Variants in ERN1 observed in about 807,000 individuals in gnomAD.
The protein encoded by ERN1 is serine/threonine-protein kinase/endoribonuclease IRE1.
Under a neutral mutation model 113.1 loss-of-function variants are expected in ERN1, and 39 were observed. The ratio of observed to expected loss-of-function variants is 0.34; its 90% CI spans 0.27 to 0.45. ERN1 has a LOEUF of 0.45. ERN1 is among the 20% of genes least tolerant of loss of function. The pLI is 1.00. For synonymous variants in ERN1, 507 were observed against 515.9 expected (o/e 0.98, Z 0.23); for missense variants, 976 against 1,274.8 (o/e 0.77, Z 3.57).
intron 1 of ERN1, among the ~76,000 whole-genome samples, chr17:64,115,734 A>G (rs1914787312): frequency 6.6e-6 from 1 of 152,228 alleles, no homozygotes; most frequent in Non-Finnish European, 1.5e-5. Context: ...TGAAGCTGAC[A>G]GAAGATGAGG....
At chr17:64,106,181 A>T (rs1417085427) in intron 1 of ERN1, among the ~76,000 whole-genome samples, 1 of 152,200 alleles carries the variant, frequency 6.6e-6, no homozygotes, top group Non-Finnish European at 1.5e-5. Flanking sequence ...ATTGGCGTTA[A>T]GGGTTCCTTT....
intron 1 of ERN1, among the ~76,000 whole-genome samples, chr17:64,114,115 A>T (rs1192541057): frequency 6.6e-6 from 1 of 151,860 alleles, no homozygotes; most frequent in Non-Finnish European, 1.5e-5. Context: ...TTGAGTCAAC[A>T]TAAGTAAAGC....
At chr17:64,087,297 C>T (rs1004455466) in intron 2 of ERN1, among the ~76,000 whole-genome samples, 2 of 152,196 alleles carry the variant, frequency 1.3e-5, no homozygotes, top group Non-Finnish European at 2.9e-5. Flanking sequence ...GTCAAGTTCC[C>T]GTGATCAAAA....
Position 64,066,659 on chromosome 17 carries a change from C to G in ERN1, c.842+12G>C. The G allele has an allele frequency of 1.2e-6, 2 of 1,612,524 alleles. No individual in the cohort carries two copies. The highest frequency in any genetic ancestry group is 1.7e-6 in the Non-Finnish European group (2 of 1,178,602). On this transcript the variant is annotated intron_variant, in intron 8 of 21. Coordinates refer to ENST00000433197, the MANE Select transcript of ERN1 (RefSeq NM_001433.5). ...CACGGCCGCCCTCTCCTTCCCCGAGCTCCCAACTCACGTCAGCTTGCTCTT... is the reference window on the plus strand; with the variant it reads ...CACGGCCGCCCTCTCCTTCCCCGAGGTCCCAACTCACGTCAGCTTGCTCTT...
chr17:64,058,091 G>A (rs750961273), intron 11 of ERN1, 98 bp from the exon 12 acceptor site: 17 of 914,658 alleles, frequency 1.9e-5, no homozygotes, highest in Non-Finnish European at 2.4e-5. Context: ...ACAAGGATAT[G>A]ACTGTACTGC....
Position 64,044,971 on chromosome 17 carries a change from C to G in ERN1, c.2654-44G>C. On this transcript the variant is annotated intron_variant, in intron 20 of 21. Transcript: ENST00000433197. This position sits in a 1 kb window ranked among gnomAD's most constrained non-coding sequence, Gnocchi z 4.1. ...AAGCAATGGGTAATCAAATTTAAAA[C>G]TAATACATTTTAAAAGAAAACAATT... 7.4e-7 allele frequency: 1 copy of G among 1,354,764 alleles called. No homozygotes were observed. Among genetic ancestry groups the G allele is most frequent in the Non-Finnish European group, 1.0e-6 (1 of 965,458 alleles). The allele number at this position is 1,354,764 out of a possible 1,614,324, so 83.9% of individuals were successfully genotyped here. A position where few individuals can be genotyped will look rare whatever the true frequency, so the allele number is the denominator to read the frequency against.
chr17:64,054,773 G>A lies in ERN1; in HGVS notation c.1728C>T (p.Val576=). The part of the protein sequence containing the change: ...VGKISFCPKD[V]LGHGAEGTIV... ...TTGTGCCCTCAGCTCCATGGCCCAGGACATCCTTGGGACAGAAGGAAATTT... is the reference window on the plus strand; with the variant it reads ...TTGTGCCCTCAGCTCCATGGCCCAGAACATCCTTGGGACAGAAGGAAATTT... The change falls in exon 14 of 22, where the codon GTC becomes GTT. Residue 576 remains valine, a synonymous_variant. Coordinates refer to ENST00000433197, the MANE Select transcript of ERN1 (RefSeq NM_001433.5). The surrounding 1 kb of genome is among the most constrained non-coding windows in gnomAD (Gnocchi z 4.9). The A allele has an allele frequency of 6.2e-7, 1 of 1,610,346 alleles. No homozygotes were observed. The highest frequency in any genetic ancestry group is 8.5e-7 in the Non-Finnish European group (1 of 1,178,666).
chr17:64,058,933 C>A (rs1351094249), intron 11 of ERN1, among the ~76,000 whole-genome samples: 1 of 152,132 alleles, frequency 6.6e-6, no homozygotes, highest in Middle Eastern at 3.2e-3. Context: ...AGCACCTGGG[C>A]ATGTGGCCAG....
At chr17:64,098,806 A>G (rs1302648443) in intron 1 of ERN1, among the ~76,000 whole-genome samples, 2 of 152,188 alleles carry the variant, frequency 1.3e-5, no homozygotes, top group African/African-American at 4.8e-5. Context: ...ACTGGTCCTC[A>G]CTTAGAATAA....
chr17:64,086,445 T>C (rs1202549152), intron 2 of ERN1, among the ~76,000 whole-genome samples: 1 of 152,116 alleles, frequency 6.6e-6, no homozygotes, highest in African/African-American at 2.4e-5. Flanking sequence ...GTATGTATCA[T>C]AGTTCGCTCT....
chr17:64,080,919 G>A (rs1036717262), intron 2 of ERN1, 111 bp from the exon 3 acceptor site: 6 of 981,156 alleles, frequency 6.1e-6, no homozygotes, highest in South Asian at 1.4e-5. Flanking sequence ...TCTCCCTCCT[G>A]TTAACCTACA....
intron 1 of ERN1, among the ~76,000 whole-genome samples, chr17:64,111,047 G>T (rs1386634564): frequency 6.6e-6 from 1 of 152,184 alleles, no homozygotes; most frequent in Non-Finnish European, 1.5e-5. Flanking sequence ...CAAAGAGGAG[G>T]CCTTTCCAGA....
chr17:64,129,942 G>A (rs749633324), intron 1 of ERN1, 34 bp downstream of exon 1: 5 of 1,412,968 alleles, frequency 3.5e-6, no homozygotes, highest in Non-Finnish European at 4.6e-6. Flanking sequence ...GCCGTCGCGA[G>A]CTGTCCTCCA....
At chr17:64,090,606 C>T (rs999253396) in intron 2 of ERN1, among the ~76,000 whole-genome samples, 4 of 152,166 alleles carry the variant, frequency 2.6e-5, no homozygotes, top group African/African-American at 4.8e-5. Flanking sequence ...GCACTTTATC[C>T]ATGTACTTCA....
intron 1 of ERN1, among the ~76,000 whole-genome samples, chr17:64,112,495 G>A (rs1914700065): frequency 6.6e-6 from 1 of 152,162 alleles, no homozygotes; most frequent in Non-Finnish European, 1.5e-5. Context: ...CTATGATGCT[G>A]CGGCTAAACG....
Position 64,055,703 on chromosome 17 carries a change from G to T in ERN1, c.1644C>A (p.Ser548Arg). Residue 548 changes from serine to arginine, a missense_variant, in exon 13 of 22, where the codon AGC becomes AGA. Physicochemically the swap from Ser to Arg is moderately radical, Grantham distance 110. Coordinates refer to ENST00000433197, the MANE Select transcript of ERN1 (RefSeq NM_001433.5). The part of the protein sequence containing the change: ...CSGSSASKAG[S>R]SPSLEQDDGD... ...CATCGTCTTGTTCCAGGGAGGGGCTGCTGCCAGCCTTGGAGGCAGAGCTGC... is the reference window on the plus strand; with the variant it reads ...CATCGTCTTGTTCCAGGGAGGGGCTTCTGCCAGCCTTGGAGGCAGAGCTGC... 1 of 1,602,194 alleles carries T rather than the reference G, an allele frequency of 6.2e-7. No homozygotes were observed. The highest frequency in any genetic ancestry group is 8.5e-7 in the Non-Finnish European group (1 of 1,173,892).
intron 1 of ERN1, among the ~76,000 whole-genome samples, chr17:64,108,430 T>A (rs756241907): frequency 1.8e-4 from 28 of 152,148 alleles, no homozygotes; most frequent in Non-Finnish European, 2.8e-4. Flanking sequence ...TGGTGCTACA[T>A]GAAATCGTTT....
intron 3 of ERN1, 134 bp downstream of exon 3, chr17:64,080,640 TA>T: frequency 1.3e-6 from 1 of 765,012 alleles, no homozygotes. Context: ...ATAGCACCTG[TA>T]AGACTTTATA....
intron 1 of ERN1, among the ~76,000 whole-genome samples, chr17:64,113,302 G>A (rs1378169003): frequency 6.6e-6 from 1 of 152,118 alleles, no homozygotes; most frequent in East Asian, 1.9e-4. Flanking sequence ...TGGATCAGTG[G>A]ATATTTTAGG....
Sources: gnomAD v4.1 joint callset for allele counts (sites outside exome capture counted in the v4.1 genomes callset) on GRCh38, gnomAD v4.1.1 for gene constraint, Gnocchi (gnomAD v3.1) non-coding constraint, MANE v1.5 for transcripts, NCBI Gene and HGNC (gene_info 2026-07-23, HGNC 2026-07-21) for gene names.